TTLL13: variants seen among roughly 807,000 people sequenced by gnomAD.
TTLL13 encodes tubulin polyglutamylase TTLL13.
At chr15:90,256,308 C>A in the TTLL13 span, 1 of 1,614,050 alleles carries the variant, frequency 6.2e-7, no homozygotes, top group South Asian at 1.1e-5. Context: ...GTGAAGGATG[C>A]CTCAGGACCA....
the TTLL13 span, chr15:90,259,024 T>C: frequency 6.3e-7 from 1 of 1,594,230 alleles, no homozygotes; most frequent in Non-Finnish European, 8.6e-7. Context: ...TGATTTGCTA[T>C]CAAAAACAAC....
At chr15:90,253,473 C>A in the TTLL13 span, 1 of 649,326 alleles carries the variant, frequency 1.5e-6, no homozygotes, top group South Asian at 3.0e-5. Flanking sequence ...TGGCTGTCCC[C>A]TTGTGCAGAC....
At chr15:90,257,729 C>T in the TTLL13 span, 2 of 1,613,396 alleles carry the variant, frequency 1.2e-6, no homozygotes, top group East Asian at 4.5e-5. Context: ...AGAGGTACTC[C>T]CTACTCTGTT....
At chr15:90,256,747 G>A in the TTLL13 span, among the ~76,000 whole-genome samples, 1 of 151,554 alleles carries the variant, frequency 6.6e-6, no homozygotes. Flanking sequence ...GGAGTGCAGC[G>A]GCACGATCTC....
At chr15:90,263,967 A>C in the TTLL13 span, 9 of 1,536,024 alleles carry the variant, frequency 5.9e-6, no homozygotes, top group Non-Finnish European at 7.8e-6. Context: ...TCAACTGGAC[A>C]GGAGAGCCGG....
chr15:90,262,209 C>A, the TTLL13 span: 1 of 1,515,704 alleles, frequency 6.6e-7, no homozygotes, highest in Non-Finnish European at 8.8e-7. Context: ...GACCGACATT[C>A]TCCTCTGCAC....
At chr15:90,261,855 C>A in the TTLL13 span, 1 of 586,648 alleles carries the variant, frequency 1.7e-6, no homozygotes, top group Non-Finnish European at 2.9e-6. Context: ...TGGGGCTAGC[C>A]AAAGATGGGC....
At chr15:90,258,279 A>G in the TTLL13 span, 1 of 1,613,854 alleles carries the variant, frequency 6.2e-7, no homozygotes, top group Non-Finnish European at 8.5e-7. Context: ...GGTGAGGATT[A>G]TCTCCTAGGC....
chr15:90,258,346 A>C, the TTLL13 span: 1 of 1,294,248 alleles, frequency 7.7e-7, no homozygotes, highest in African/African-American at 1.5e-5. Flanking sequence ...ACAGGGGTAC[A>C]CTCAGGTGGT....
the TTLL13 span, chr15:90,251,609 C>T: frequency 1.2e-5 from 19 of 1,613,288 alleles, no homozygotes; most frequent in African/African-American, 8.0e-5. Flanking sequence ...GCACCCAGCC[C>T]GTCGCTCACA....
the TTLL13 span, chr15:90,258,801 C>G: frequency 1.2e-6 from 2 of 1,614,162 alleles, no homozygotes; most frequent in Non-Finnish European, 8.5e-7. Context: ...GTAAAGGATG[C>G]ACTTCTCTGT....
the TTLL13 span, chr15:90,255,652 T>C: frequency 1.4e-5 from 21 of 1,538,782 alleles, no homozygotes; most frequent in Admixed American, 1.4e-4. Context: ...CACTGTGACT[T>C]CTCCCTTAAC....
chr15:90,255,743 G>A, the TTLL13 span: 5 of 1,613,990 alleles, frequency 3.1e-6, no homozygotes, highest in Admixed American at 1.7e-5. Flanking sequence ...ATACTAACTG[G>A]CTGTGTTTCA....
the TTLL13 span, chr15:90,253,194 C>T: frequency 1.4e-6 from 2 of 1,471,414 alleles, no homozygotes; most frequent in South Asian, 1.2e-5. Flanking sequence ...CTACACAGTT[C>T]CAGGGCTTGT....
chr15:90,259,320 G>A, the TTLL13 span, among the ~76,000 whole-genome samples: 2 of 151,910 alleles, frequency 1.3e-5, no homozygotes, highest in African/African-American at 4.8e-5. Context: ...AGCCCAGGAG[G>A]TCAAGCCTGC....
At chr15:90,265,293 A>T in the TTLL13 span, 2 of 1,215,708 alleles carry the variant, frequency 1.6e-6, no homozygotes, top group Middle Eastern at 6.7e-4. Context: ...CATCCAGGAG[A>T]CAATGAGCCC....
the TTLL13 span, chr15:90,262,268 A>G: frequency 2.9e-6 from 4 of 1,377,860 alleles, no homozygotes; most frequent in Non-Finnish European, 3.8e-6. Context: ...CAGCAGGGAA[A>G]GAGGAAGCCA....
At chr15:90,265,249 G>A in the TTLL13 span, 1 of 1,293,842 alleles carries the variant, frequency 7.7e-7, no homozygotes, top group Non-Finnish European at 9.8e-7. Context: ...TAGGTGATGG[G>A]TCTGAACCCT....
At chr15:90,257,844 C>A in the TTLL13 span, 5 of 1,053,678 alleles carry the variant, frequency 4.7e-6, no homozygotes, top group Non-Finnish European at 5.6e-6. Flanking sequence ...CTTTATAGAC[C>A]CTGTCCTGTG....
Sources: allele counts gnomAD v4.1 joint callset (sites outside exome capture counted in the v4.1 genomes callset), GRCh38; gene constraint gnomAD v4.1.1; transcripts MANE v1.5; gene names NCBI Gene and HGNC (gene_info 2026-07-23, HGNC 2026-07-21).